Variants in HOOK3 observed in about 807,000 individuals in gnomAD.
The protein encoded by HOOK3 is hook microtubule tethering protein 3.
A neutral mutation model predicts 116.3 loss-of-function variants in HOOK3; 24 were observed. The observed-to-expected ratio is 0.21, with a 90% CI of 0.15 to 0.29. The LOEUF is 0.29. Among genes scored for constraint, HOOK3 ranks in the 10% least tolerant of loss-of-function variants. The probability of loss-of-function intolerance (pLI) is 1.00; values close to 1 mark genes in which losing one functional copy is unlikely to be tolerated. For synonymous variants in HOOK3, 275 were observed against 283.0 expected (o/e 0.97, Z 0.28); for missense variants, 632 against 830.2 (o/e 0.76, Z 2.93).
intron 2 of HOOK3, among the ~76,000 whole-genome samples, chr8:42,907,928 C>T (rs1284729593): frequency 6.7e-6 from 1 of 149,896 alleles, no homozygotes; most frequent in Non-Finnish European, 1.5e-5. Context: ...GCCACAAAGA[C>T]TCCAGAAAAA....
intron 2 of HOOK3, among the ~76,000 whole-genome samples, chr8:42,907,399 A>G (rs1307880707): frequency 6.6e-6 from 1 of 152,166 alleles, no homozygotes. Context: ...CTTAAAATGC[A>G]TGGTACATTT....
chr8:43,022,292 G>A lies in HOOK3; in HGVS notation c.*3794G>A, dbSNP rs1809844908. 1 of 207,490 alleles carries A rather than the reference G, an allele frequency of 4.8e-6. No individual in the cohort carries two copies. Among genetic ancestry groups the A allele is most frequent in the South Asian group, 1.9e-4 (1 of 5,336 alleles). The allele number at this position is 207,490 out of a possible 1,614,324, so 12.9% of individuals were successfully genotyped here. A position where few individuals can be genotyped will look rare whatever the true frequency, so the allele number is the denominator to read the frequency against. On this transcript the variant is annotated 3_prime_UTR_variant, in exon 22 of 22. Coordinates refer to ENST00000307602, the MANE Select transcript of HOOK3 (RefSeq NM_032410.4). ...ATCTGGAAATTTAAAGTCACTAGGAGCTTTGCCTCATCGTGAGTGATGCTG... is the reference window on the plus strand; with the variant it reads ...ATCTGGAAATTTAAAGTCACTAGGAACTTTGCCTCATCGTGAGTGATGCTG...
At chr8:42,900,256 CCT>C (rs1402623064) in intron 1 of HOOK3, among the ~76,000 whole-genome samples, 1 of 152,176 alleles carries the variant, frequency 6.6e-6, no homozygotes, top group Admixed American at 6.5e-5. Context: ...CACTGTGCCT[CCT>C]CTCTCCACCC....
chr8:43,012,157 A>T (rs918750644), intron 19 of HOOK3, among the ~76,000 whole-genome samples: 7 of 152,254 alleles, frequency 4.6e-5, no homozygotes, highest in African/African-American at 1.7e-4. Context: ...GACACATGTC[A>T]TTTAATAACA....
intron 16 of HOOK3, 118 bp from the exon 17 acceptor site, chr8:43,001,989 C>A: frequency 1.5e-6 from 1 of 650,982 alleles, no homozygotes; most frequent in Non-Finnish European, 2.7e-6. Flanking sequence ...AGCTCTTTGA[C>A]CAAACAAATT....
In HOOK3 at chr8:43,027,633, TA is replaced by T. The variant is rs1321298760; in HGVS notation, c.*9136del. 3 of 222,994 alleles carry T rather than the reference TA, an allele frequency of 1.3e-5. No homozygotes were observed. Among genetic ancestry groups the T allele is most frequent in the Non-Finnish European group, 2.7e-5 (3 of 109,500 alleles). 13.8% of individuals were successfully genotyped at this position (222,994 alleles called of 1,614,324 possible). ...TGAAACATAACACATAAGGACGAAA[TA>T]CAATGTTCTGAATATCTTCCACTAA... On this transcript the variant is annotated 3_prime_UTR_variant, in exon 22 of 22. Coordinates refer to ENST00000307602, the MANE Select transcript of HOOK3 (RefSeq NM_032410.4).
At chr8:42,948,856 T>G (rs1244813473) in intron 5 of HOOK3, among the ~76,000 whole-genome samples, 1 of 152,252 alleles carries the variant, frequency 6.6e-6, no homozygotes, top group Non-Finnish European at 1.5e-5. Context: ...CCTGTTGGCC[T>G]AAGAACAATG....
chr8:42,968,719 T>C (rs1463582540), intron 11 of HOOK3, among the ~76,000 whole-genome samples: 1 of 152,142 alleles, frequency 6.6e-6, no homozygotes, highest in Non-Finnish European at 1.5e-5. Flanking sequence ...TATTTACTTA[T>C]TTTTATTTAG....
In HOOK3 at chr8:42,960,520, A is replaced by G. The variant is rs139931492; in HGVS notation, c.615+1206A>G. ...TTTAGAATTCCTACAGAGAAACACT[A>G]TTGTAAAAGTTAAGATGCCAATGAT... On this transcript the variant is annotated intron_variant, in intron 8 of 21. Coordinates refer to ENST00000307602, the MANE Select transcript of HOOK3 (RefSeq NM_032410.4). Among the ~76,000 whole-genome samples the G allele has an allele frequency of 7.9e-3, 1,204 of 152,338 alleles. 16 individuals are homozygous for G. The highest frequency in any genetic ancestry group is 0.027 in the African/African-American group (1,117 of 41,572).
intron 19 of HOOK3, among the ~76,000 whole-genome samples, chr8:43,011,278 C>T (rs1404483562): frequency 2.6e-5 from 4 of 152,120 alleles, no homozygotes; most frequent in Non-Finnish European, 4.4e-5. Flanking sequence ...CAGGTGTGAG[C>T]CACCGTGCCT....
At chr8:42,995,555 A>G (rs1261849728) in intron 15 of HOOK3, among the ~76,000 whole-genome samples, 3 of 151,952 alleles carry the variant, frequency 2.0e-5, no homozygotes, top group Non-Finnish European at 2.9e-5. Context: ...AGTCTTTTAC[A>G]CTGTTTTTCA....
intron 16 of HOOK3, among the ~76,000 whole-genome samples, chr8:42,998,334 T>C (rs1356008194): frequency 6.6e-6 from 1 of 152,148 alleles, no homozygotes; most frequent in Non-Finnish European, 1.5e-5. Flanking sequence ...AGACTTAGAG[T>C]GTTCAAAAAT....
Position 42,903,022 on chromosome 8 carries a change from T to G in HOOK3, c.58-3151T>G, listed in dbSNP as rs148389374. 1.3e-4 allele frequency among the ~76,000 whole-genome samples: 20 copies of G among 152,322 alleles called. 1 individual carries two copies. The East Asian group carries it at 3.9e-3, about 29-fold the overall frequency. ...CAAGTGCTTATTTCTTTTAAGTGCT[T>G]ATTTCTTTTACTAATGAGCAGGCAG... On this transcript the variant is annotated intron_variant, in intron 1 of 21. Transcript: ENST00000307602.
At chr8:42,966,228 A>G (rs979798983) in intron 9 of HOOK3, among the ~76,000 whole-genome samples, 4 of 152,164 alleles carry the variant, frequency 2.6e-5, no homozygotes, top group Admixed American at 1.3e-4. Flanking sequence ...TTTCAGAAAA[A>G]TGTTGCATGA....
chr8:42,957,123 T>C lies in HOOK3; in HGVS notation c.498T>C (p.Ala166=), dbSNP rs1247007287. The C allele has an allele frequency of 3.1e-6, 5 of 1,598,042 alleles. No individual in the cohort carries two copies. Among genetic ancestry groups the C allele is most frequent in the Non-Finnish European group, 4.3e-6 (5 of 1,169,882 alleles). Residue 166 remains alanine, a synonymous_variant, in exon 7 of 22, where the codon GCT becomes GCC. Coordinates refer to ENST00000307602, the MANE Select transcript of HOOK3 (RefSeq NM_032410.4). ...TGAGTAAAGAATCTCCTGTCTCTGC[T>C]GGAAATGATGCCTATGTTGACCTTG... The part of the protein sequence containing the change: ...ELMSKESPVS[A]GNDAYVDLDR...
chr8:42,962,946 C>T (rs917608611), intron 8 of HOOK3, among the ~76,000 whole-genome samples: 1 of 151,468 alleles, frequency 6.6e-6, no homozygotes, highest in East Asian at 1.9e-4. Flanking sequence ...GGATTACAGG[C>T]GTTTGCCACC....
intron 5 of HOOK3, among the ~76,000 whole-genome samples, chr8:42,943,824 G>A (rs916530070): frequency 2.0e-4 from 30 of 152,176 alleles, no homozygotes; most frequent in Non-Finnish European, 5.9e-5. Flanking sequence ...TGTAACAGAT[G>A]CCTTCAGCTT....
At chr8:42,906,149 C>G (rs757422029) in intron 1 of HOOK3, 24 bp from the exon 2 acceptor site, 6 of 1,046,792 alleles carry the variant, frequency 5.7e-6, no homozygotes, top group African/African-American at 1.7e-5. Context: ...AATCTCTCCC[C>G]CCCCCCTCTT....
chr8:42,906,358 A>C, intron 2 of HOOK3, 100 bp downstream of exon 2: 1 of 836,892 alleles, frequency 1.2e-6, no homozygotes, highest in South Asian at 1.4e-5. Context: ...ACGTGTGTAG[A>C]GTAAGAGTTG....
Sources: allele counts gnomAD v4.1 joint callset (sites outside exome capture counted in the v4.1 genomes callset), GRCh38; gene constraint gnomAD v4.1.1; transcripts MANE v1.5; gene names NCBI Gene and HGNC (gene_info 2026-07-23, HGNC 2026-07-21).